The following SAMD12 variants were observed in gnomAD, a reference collection of about 807,000 sequenced individuals.
The protein encoded by SAMD12 is sterile alpha motif domain-containing protein 12.
In SAMD12, 9 loss-of-function variants were observed where a neutral mutation model predicts 15.0. That is an observed-to-expected ratio of 0.60 (90% CI 0.36 to 1.05). The LOEUF is 1.05. Among genes scored for constraint, SAMD12 ranks in the 50% least tolerant of loss-of-function variants. SAMD12 has a pLI of 0.01. For missense variants in SAMD12, 230 were observed against 234.2 expected (o/e 0.98, Z 0.12); for synonymous variants, 86 against 90.1 (o/e 0.96, Z 0.25).
At chr8:118,398,511 C>T (rs1820704423) in intron 3 of SAMD12, among the ~76,000 whole-genome samples, 1 of 152,228 alleles carries the variant, frequency 6.6e-6, no homozygotes, top group South Asian at 2.1e-4. Context: ...AGCTTATCTT[C>T]TCCATCCCCT....
intron 4 of SAMD12, among the ~76,000 whole-genome samples, chr8:118,200,869 G>T (rs771975653): frequency 6.6e-6 from 1 of 152,018 alleles, no homozygotes; most frequent in Non-Finnish European, 1.5e-5. Context: ...GATCAGGCTG[G>T]GGTGCAGTGG....
chr8:118,168,951 G>T, the SAMD12 span, among the ~76,000 whole-genome samples: 1 of 152,156 alleles, frequency 6.6e-6, no homozygotes, highest in East Asian at 1.9e-4. Context: ...TTACCTAAGA[G>T]ATCACCCTTA....
At chr8:118,481,005 C>A (rs908791407) in intron 2 of SAMD12, among the ~76,000 whole-genome samples, 1 of 152,322 alleles carries the variant, frequency 6.6e-6, no homozygotes, top group African/African-American at 2.4e-5. Context: ...TGCAGTGGCA[C>A]GATCTTGGCT....
At chr8:118,445,816 C>T (rs1822894992) in intron 2 of SAMD12, among the ~76,000 whole-genome samples, 1 of 152,140 alleles carries the variant, frequency 6.6e-6, no homozygotes, top group South Asian at 2.1e-4. Context: ...AATGTGTAAG[C>T]AACTTAGATA....
chr8:118,178,028 C>T, the SAMD12 span, among the ~76,000 whole-genome samples: 5 of 152,216 alleles, frequency 3.3e-5, no homozygotes, highest in Non-Finnish European at 7.3e-5. Flanking sequence ...AGCCATCATA[C>T]GGTGGCCCAA....
At chr8:118,429,913 A>T (rs1352120045) in intron 3 of SAMD12, among the ~76,000 whole-genome samples, 7 of 143,242 alleles carry the variant, frequency 4.9e-5, no homozygotes, top group African/African-American at 8.9e-5. Context: ...AAAATAGATT[A>T]AAAAAAAATA....
chr8:118,476,705 G>A (rs1250218241), intron 2 of SAMD12, among the ~76,000 whole-genome samples: 2 of 152,140 alleles, frequency 1.3e-5, no homozygotes. Flanking sequence ...GTGGCTCTAG[G>A]AACATGACAA....
chr8:118,280,072 G>A (rs1813578775), intron 4 of SAMD12, among the ~76,000 whole-genome samples: 1 of 152,180 alleles, frequency 6.6e-6, no homozygotes, highest in South Asian at 2.1e-4. Context: ...TTTGGTGGTG[G>A]TGATGTGTAG....
chr8:118,591,060 T>G (rs1460334817), intron 1 of SAMD12, among the ~76,000 whole-genome samples: 1 of 152,072 alleles, frequency 6.6e-6, no homozygotes, highest in Non-Finnish European at 1.5e-5. Context: ...TTGGAAAGGG[T>G]AGAGGGCACT....
chr8:118,346,736 C>T (rs896921927), intron 4 of SAMD12, among the ~76,000 whole-genome samples: 3 of 152,166 alleles, frequency 2.0e-5, no homozygotes, highest in Non-Finnish European at 2.9e-5. Flanking sequence ...GCAAAATCAA[C>T]AAAGGGAAAA....
intron 2 of SAMD12, among the ~76,000 whole-genome samples, chr8:118,519,996 A>G (rs1453056903): frequency 6.6e-6 from 1 of 152,202 alleles, no homozygotes; most frequent in African/African-American, 2.4e-5. Flanking sequence ...GATTACTGAT[A>G]ATTGCAGATA....
intron 2 of SAMD12, among the ~76,000 whole-genome samples, chr8:118,496,223 A>AT (rs879811114): frequency 3.5e-4 from 54 of 152,226 alleles, no homozygotes; most frequent in Non-Finnish European, 7.1e-4. Flanking sequence ...TAAACTTCAT[A>AT]TGGAACAAAA....
intron 1 of SAMD12, among the ~76,000 whole-genome samples, chr8:118,602,170 T>A (rs1827879126): frequency 6.6e-6 from 1 of 152,212 alleles, no homozygotes; most frequent in Admixed American, 6.5e-5. Flanking sequence ...AGAAGTTCCA[T>A]ACACAGGAAA....
intron 3 of SAMD12, among the ~76,000 whole-genome samples, chr8:118,431,101 T>A (rs570898007): frequency 1.3e-5 from 2 of 152,292 alleles, no homozygotes; most frequent in South Asian, 4.2e-4. Context: ...TTTTAAGTAA[T>A]CTAAGTCCAC....
At chr8:118,592,323 A>G (rs1356292544) in intron 1 of SAMD12, among the ~76,000 whole-genome samples, 1 of 152,138 alleles carries the variant, frequency 6.6e-6, no homozygotes, top group East Asian at 1.9e-4. Context: ...CAAATGGGAA[A>G]TGAAATGAAA....
At chr8:118,318,485 T>C (rs1291299596) in intron 4 of SAMD12, among the ~76,000 whole-genome samples, 3 of 151,566 alleles carry the variant, frequency 2.0e-5, no homozygotes, top group Non-Finnish European at 4.4e-5. Context: ...CAAATACCCA[T>C]ATGTTCTCAC....
At chr8:118,431,484 A>C (rs78371730) in intron 3 of SAMD12, among the ~76,000 whole-genome samples, 2,769 of 151,196 alleles carry the variant, frequency 0.018, 90 homozygotes, top group African/African-American at 0.064. Context: ...CTTTTCTTTT[A>C]TGTTTGAAGA....
intron 2 of SAMD12, among the ~76,000 whole-genome samples, chr8:118,482,157 T>C (rs1271482939): frequency 2.0e-5 from 3 of 152,316 alleles, no homozygotes; most frequent in South Asian, 2.1e-4. Flanking sequence ...TTTAATTCAA[T>C]AGGTGCCGAA....
At chr8:118,233,933 T>C (rs955844262) in intron 4 of SAMD12, among the ~76,000 whole-genome samples, 1 of 152,168 alleles carries the variant, frequency 6.6e-6, no homozygotes, top group African/African-American at 2.4e-5. Flanking sequence ...AAACAGAGGT[T>C]GCCAGCTAGT....
Sources: gnomAD v4.1 joint callset for allele counts (sites outside exome capture counted in the v4.1 genomes callset) on GRCh38, gnomAD v4.1.1 for gene constraint, MANE v1.5 for transcripts, NCBI Gene and HGNC (gene_info 2026-07-23, HGNC 2026-07-21) for gene names.